The following KIF16B variants were observed in gnomAD, a reference collection of about 807,000 sequenced individuals.
The protein encoded by KIF16B is kinesin-like protein KIF16B.
Under a neutral mutation model 156.3 loss-of-function variants are expected in KIF16B, and 98 were observed. The ratio of observed to expected loss-of-function variants is 0.63; its 90% CI spans 0.53 to 0.74. The LOEUF (loss-of-function observed/expected upper bound fraction) is 0.74. KIF16B is among the 30% of genes least tolerant of loss of function. KIF16B has a pLI of 0.00. For synonymous variants in KIF16B, 564 were observed against 583.7 expected (o/e 0.97, Z 0.49); for missense variants, 1,421 against 1,606.5 (o/e 0.88, Z 1.97).
intron 12 of KIF16B, among the ~76,000 whole-genome samples, chr20:16,454,465 C>T (rs183175851): frequency 1.3e-5 from 2 of 151,274 alleles, no homozygotes; most frequent in Admixed American, 1.3e-4. Flanking sequence ...CAGTCTAAGT[C>T]AACATGGAAA....
At chr20:16,317,386 G>A (rs1254863585) in intron 24 of KIF16B, among the ~76,000 whole-genome samples, 1 of 152,158 alleles carries the variant, frequency 6.6e-6, no homozygotes, top group Non-Finnish European at 1.5e-5. Context: ...AGCGTCTCAG[G>A]TAAGTATTTC....
chr20:16,319,921 A>G lies in KIF16B; in HGVS notation c.3712-7503T>C, dbSNP rs367887723. 5.9e-5 allele frequency among the ~76,000 whole-genome samples: 9 copies of G among 152,292 alleles called. No individual in the cohort carries two copies. In the East Asian group the frequency reaches 7.7e-4, roughly 13 times the overall value. On this transcript the variant is annotated intron_variant, in intron 24 of 25. Coordinates refer to ENST00000354981, the MANE Select transcript of KIF16B (RefSeq NM_024704.5). The stretch of plus-strand genomic sequence containing the variant: ...AAGAGAAAGTGTTTTACCAGAACCT[A>G]ACTACCTTAGGTTTTGCCAGAGCCT...
At chr20:16,485,909 ATG>A (rs1568591089) in intron 12 of KIF16B, among the ~76,000 whole-genome samples, 1 of 152,152 alleles carries the variant, frequency 6.6e-6, no homozygotes, top group African/African-American at 2.4e-5. Flanking sequence ...ATACATATAT[ATG>A]TGTATATAAA....
At chr20:16,354,869 C>G (rs1276416906) in intron 23 of KIF16B, among the ~76,000 whole-genome samples, 1 of 152,044 alleles carries the variant, frequency 6.6e-6, no homozygotes, top group Non-Finnish European at 1.5e-5. Flanking sequence ...TCTCTTGAAC[C>G]CGGGAGGCGG....
intron 1 of KIF16B, among the ~76,000 whole-genome samples, chr20:16,565,838 TC>T (rs1347591879): frequency 6.6e-6 from 1 of 152,178 alleles, no homozygotes. Context: ...AGGTCATTCT[TC>T]CACTTAATAA....
At chr20:16,464,497 TA>T (rs2067432444) in intron 12 of KIF16B, among the ~76,000 whole-genome samples, 1 of 152,220 alleles carries the variant, frequency 6.6e-6, no homozygotes, top group African/African-American at 2.4e-5. Context: ...ACATAAATTT[TA>T]TTTTAAAATA....
At chr20:16,393,313 C>T (rs80287720) in intron 17 of KIF16B, among the ~76,000 whole-genome samples, 1 of 147,826 alleles carries the variant, frequency 6.8e-6, no homozygotes, top group Non-Finnish European at 1.5e-5. Context: ...GGAGTAACTA[C>T]CTATTTAAAA....
At chr20:16,371,589 CAAAA>C (rs111754823) in intron 21 of KIF16B, 72 bp downstream of exon 21, 589 of 622,912 alleles carry the variant, frequency 9.5e-4, no homozygotes, top group Middle Eastern at 3.1e-3. Context: ...GACTCAGTCT[CAAAA>C]AAAAAAAAAA....
At chr20:16,367,725 A>G (rs560425014) in intron 22 of KIF16B, 7 of 1,612,510 alleles carry the variant, frequency 4.3e-6, no homozygotes, top group Middle Eastern at 1.6e-4. Flanking sequence ...CTGTTTTCCA[A>G]TCAAGAGAAA....
At position 16,410,183 on chromosome 20, in the gene KIF16B, A is replaced by G. The variant is rs865907007; in HGVS notation, c.1613-3727T>C. Among the ~76,000 whole-genome samples, 25 of 140,938 alleles carry G rather than the reference A, an allele frequency of 1.8e-4. 1 individual carries two copies. The highest frequency in any genetic ancestry group is 1.5e-3 in the Admixed American group (21 of 14,088). The allele number at this position is 140,938 out of a possible 152,430, so 92.5% of individuals were successfully genotyped here. On this transcript the variant is annotated intron_variant, in intron 15 of 25. Transcript: ENST00000354981. Reference sequence around the variant, plus strand: ...TATATGTAGGTACATATATATATGTAGGTACATATACATATATGTAGGTAC... The same window carrying G: ...TATATGTAGGTACATATATATATGTGGGTACATATACATATATGTAGGTAC...
intron 15 of KIF16B, 61 bp downstream of exon 15, chr20:16,427,043 C>G: frequency 6.9e-7 from 1 of 1,442,936 alleles, no homozygotes; most frequent in Non-Finnish European, 9.3e-7. Flanking sequence ...CCCCCATTGC[C>G]TAGCCAACTT....
rs146370465 is a variant in KIF16B at position 16,469,033 on chromosome 20, G to A, written c.1302+25258C>T. Among the ~76,000 whole-genome samples, 767 of 152,108 alleles carry A rather than the reference G, an allele frequency of 5.0e-3. 16 individuals are homozygous for A. The highest frequency in any genetic ancestry group is 0.038 in the Admixed American group (587 of 15,276). ...TCTGGGAGGCTGAGGTGTGAGAATC[G>A]CCTGAGGCTAGAAACTTGAGAGCAG... On this transcript the variant is annotated intron_variant, in intron 12 of 25. Coordinates refer to ENST00000354981, the MANE Select transcript of KIF16B (RefSeq NM_024704.5).
chr20:16,529,722 C>A (rs570952931), intron 1 of KIF16B, among the ~76,000 whole-genome samples: 25 of 152,254 alleles, frequency 1.6e-4, no homozygotes, highest in African/African-American at 6.0e-4. Context: ...GAGGCAGAGG[C>A]GGGCAGATCA....
chr20:16,398,883 T>C (rs2065580220), intron 17 of KIF16B, among the ~76,000 whole-genome samples: 1 of 152,136 alleles, frequency 6.6e-6, no homozygotes, highest in Non-Finnish European at 1.5e-5. Flanking sequence ...GCATGAGGGC[T>C]TAGCACAGAG....
chr20:16,368,945 C>T (rs542747043), intron 22 of KIF16B: 95 of 985,800 alleles, frequency 9.6e-5, no homozygotes, highest in South Asian at 1.9e-4. Context: ...TCTGCATCAT[C>T]GGTGTTACTT....
intron 25 of KIF16B, among the ~76,000 whole-genome samples, chr20:16,297,091 C>T (rs2063398952): frequency 6.6e-6 from 1 of 152,216 alleles, no homozygotes; most frequent in South Asian, 2.1e-4. Flanking sequence ...CTTACACGGT[C>T]ATCTCTCCTG....
chr20:16,326,357 A>G (rs1178756190), intron 24 of KIF16B, among the ~76,000 whole-genome samples: 1 of 152,072 alleles, frequency 6.6e-6, no homozygotes, highest in Admixed American at 6.6e-5. Context: ...CAGCAGAATA[A>G]ACAGACAGCC....
chr20:16,456,173 A>G (rs1404969983), intron 12 of KIF16B, among the ~76,000 whole-genome samples: 1 of 149,290 alleles, frequency 6.7e-6, no homozygotes, highest in Non-Finnish European at 1.5e-5. Flanking sequence ...TATAATTCTG[A>G]TGATCTGGCC....
chr20:16,533,376 A>G (rs2069829540), intron 1 of KIF16B, among the ~76,000 whole-genome samples: 1 of 152,226 alleles, frequency 6.6e-6, no homozygotes, highest in Non-Finnish European at 1.5e-5. Context: ...AAACCTACAG[A>G]ATAGGAACCT....
Sources: allele counts gnomAD v4.1 joint callset (sites outside exome capture counted in the v4.1 genomes callset), GRCh38; gene constraint gnomAD v4.1.1; transcripts MANE v1.5; gene names NCBI Gene and HGNC (gene_info 2026-07-23, HGNC 2026-07-21).